Variants in TNC observed in about 807,000 individuals in gnomAD.
TNC encodes tenascin.
TNC carries 109 observed loss-of-function variants against 202.4 expected under a neutral mutation model. That is an observed-to-expected ratio of 0.54 (90% confidence interval 0.46 to 0.63). The LOEUF is 0.63. TNC is among the 30% of genes least tolerant of loss of function. The probability of loss-of-function intolerance (pLI) is 0.00; values close to 1 mark genes in which losing one functional copy is unlikely to be tolerated. For synonymous variants in TNC, 1,007 were observed against 1,089.7 expected, an observed-to-expected ratio of 0.92 and a Z score of 1.50; for missense variants, 2,756 against 2,833.3, an observed-to-expected ratio of 0.97 and a Z score of 0.62.
chr9:115,040,922 C>CACAT lies in TNC; in HGVS notation c.5392+18_5392+19insATGT. On this transcript the variant is annotated intron_variant, in intron 19 of 27. Transcript: ENST00000350763. Reference sequence around the variant, plus strand: ...AAAAATAGTAACACACACACACACACACAACCCCACCAACTCACCTGTGGT... The same window carrying CACAT: ...AAAAATAGTAACACACACACACACACACATACAACCCCACCAACTCACCTGTGGT... The CACAT allele has an allele frequency of 1.2e-6, 2 of 1,606,284 alleles. No homozygotes were observed. The highest frequency in any genetic ancestry group is 4.5e-5 in the East Asian group (2 of 44,766).
intron 17 of TNC, 120 bp downstream of exon 17, chr9:115,046,290 A>AGG: frequency 8.5e-7 from 1 of 1,169,740 alleles, no homozygotes; most frequent in Non-Finnish European, 1.2e-6. Context: ...TGTAATTGAA[A>AGG]GAGTCAGGAT....
Position 115,038,385 on chromosome 9 carries a change from A to G in TNC, c.5393-5T>C. 6.2e-7 allele frequency: 1 copy of G among 1,613,738 alleles called. No individual in the cohort carries two copies. The highest frequency in any genetic ancestry group is 8.5e-7 in the Non-Finnish European group (1 of 1,179,760). On this transcript the variant is annotated splice_region_variant and splice_polypyrimidine_tract_variant and intron_variant, in intron 19 of 27. Transcript: ENST00000350763. ...GGCCAGATGGGCCATCCAGAGCTGC[A>G]AAGAAAGATGGTGGACAGGAGGGAA... is the stretch of plus-strand genomic sequence containing the variant.
At chr9:115,094,567 T>C (rs1036552698) in intron 1 of TNC, among the ~76,000 whole-genome samples, 3 of 152,226 alleles carry the variant, frequency 2.0e-5, no homozygotes, top group African/African-American at 7.2e-5. Flanking sequence ...GTAGGACTTT[T>C]ATAATTTCAG....
chr9:115,057,076 A>G, intron 15 of TNC, 77 bp downstream of exon 15: 33 of 1,495,448 alleles, frequency 2.2e-5, no homozygotes, highest in East Asian at 1.4e-4. Flanking sequence ...CATCAATGGG[A>G]GAGGAGAAGG....
chr9:115,077,188 G>C (rs551934280), intron 7 of TNC, among the ~76,000 whole-genome samples: 8 of 152,338 alleles, frequency 5.3e-5, no homozygotes, highest in African/African-American at 1.9e-4. Flanking sequence ...GCCTGTAGCT[G>C]GGACTACAGG....
At chr9:115,117,140 G>C (rs540173858) in intron 1 of TNC, among the ~76,000 whole-genome samples, 4 of 152,296 alleles carry the variant, frequency 2.6e-5, no homozygotes, top group South Asian at 4.1e-4. Flanking sequence ...TATGTATGGT[G>C]GTGGGGAGAA....
At position 115,059,779 on chromosome 9, in the gene TNC, C is replaced by A; in HGVS notation, c.4257G>T (p.Gly1419=). ...AATPYRVSIY[G]VIRGYRTPVL... ...CTGGTGTTCTATAGCCCCGGATCAC[C>A]CCATAGATGGAGACTCTATAAGGCG... Residue 1419 remains glycine, a synonymous_variant, in exon 14 of 28, where the codon GGG becomes GGT. Coordinates refer to ENST00000350763, the MANE Select transcript of TNC (RefSeq NM_002160.4). 1.2e-6 allele frequency: 2 copies of A among 1,614,102 alleles called. No homozygotes were observed. The highest frequency in any genetic ancestry group is 2.2e-5 in the South Asian group (2 of 91,074).
At position 115,114,976 on chromosome 9, in the gene TNC, C is replaced by T. The variant is rs182214229; in HGVS notation, c.-137+3006G>A. ...TACCATCACAAAAGGACATATATTT[C>T]GAGCCAACTAAATGTTTGCAACCTA... On this transcript the variant is annotated intron_variant, in intron 1 of 27. Coordinates refer to ENST00000350763, the MANE Select transcript of TNC (RefSeq NM_002160.4). The T allele has an allele frequency of 3.3e-5, 5 of 152,218 alleles. No homozygotes were observed. The East Asian group carries it at 5.8e-4, about 18-fold the overall frequency. 9.4% of individuals were successfully genotyped at this position (152,218 alleles called of 1,614,324 possible).
rs147928443 is a variant in TNC, at chr9:115,057,631, G to A, written c.4307-206C>T. 1.1e-3 allele frequency among the ~76,000 whole-genome samples: 175 copies of A among 152,322 alleles called. 3 individuals carry two copies. Among genetic ancestry groups the A allele is most frequent in the African/African-American group, 4.1e-3 (170 of 41,566 alleles). ...GTTAAAAGAAATTAGAAAAAGGAAGGTATGGCAATTAGATTTCTCTACATG... is the reference window on the plus strand; with the variant it reads ...GTTAAAAGAAATTAGAAAAAGGAAGATATGGCAATTAGATTTCTCTACATG... On this transcript the variant is annotated intron_variant, in intron 14 of 27. Transcript: ENST00000350763.
chr9:115,054,247 CA>C (rs752620010), intron 15 of TNC, among the ~76,000 whole-genome samples: 1 of 152,138 alleles, frequency 6.6e-6, no homozygotes, highest in African/African-American at 2.4e-5. Context: ...CACAATTATA[CA>C]GCATAATTCG....
At chr9:115,028,504 G>A (rs1829683951) in intron 25 of TNC, among the ~76,000 whole-genome samples, 1 of 152,106 alleles carries the variant, frequency 6.6e-6, no homozygotes, top group Non-Finnish European at 1.5e-5. Flanking sequence ...TCTATGACTG[G>A]TCCAGAGAAT....
Position 115,073,909 on chromosome 9 carries a change from A to G in TNC, c.2951-43T>C, listed in dbSNP as rs2210108. 1,166,214 of 1,582,126 alleles carry G rather than the reference A, an allele frequency of 0.74. 432,573 individuals carry two copies. The highest frequency in any genetic ancestry group is 0.92 in the African/African-American group (68,641 of 74,686). ...AGATGAATGCTCTTCAGGCTGCAAG[A>G]CAGGGCTGCTTCTGGGGCTGAAAGT... On this transcript the variant is annotated intron_variant, in intron 9 of 27. Transcript: ENST00000350763.
At chr9:115,081,549 C>A (rs1258361944) in intron 6 of TNC, among the ~76,000 whole-genome samples, 1 of 152,164 alleles carries the variant, frequency 6.6e-6, no homozygotes. Context: ...CACACAGATA[C>A]ATGAGGAGTG....
At chr9:115,046,071 T>TTA (rs1554796021) in intron 17 of TNC, among the ~76,000 whole-genome samples, 5 of 117,984 alleles carry the variant, frequency 4.2e-5, no homozygotes, top group Admixed American at 2.4e-4. Flanking sequence ...CTTTGGAACG[T>TTA]AAAAAAAAAA....
rs1835144318 is a variant in TNC at position 115,090,614 on chromosome 9, G to T, written c.405C>A (p.Ser135=). 1 of 1,605,476 alleles carries T rather than the reference G, an allele frequency of 6.2e-7. No individual in the cohort carries two copies. Among genetic ancestry groups the T allele is most frequent in the South Asian group, 1.1e-5 (1 of 89,616 alleles). Residue 135 remains serine (S), a synonymous_variant, in exon 2 of 28, where the codon TCC becomes TCA. Coordinates refer to ENST00000350763, the MANE Select transcript of TNC (RefSeq NM_002160.4). ...RLEELENLVS[S]LREQCTAGAG... ...CTCCTGCAGTACATTGCTCCCTCAG[G>T]GAAGACACCAGGTTCTCCAGCTCCT...
intron 22 of TNC, among the ~76,000 whole-genome samples, chr9:115,032,638 A>T (rs1830034828): frequency 2.0e-5 from 3 of 152,204 alleles, no homozygotes; most frequent in Admixed American, 6.5e-5. Context: ...AAACTTCCCA[A>T]GTGATTTGAA....
intron 10 of TNC, among the ~76,000 whole-genome samples, chr9:115,070,384 A>C (rs7027148): frequency 0.78 from 119,338 of 152,104 alleles, 47,431 homozygotes; most frequent in African/African-American, 0.92. Context: ...GCAGGCTCAG[A>C]AAGCTTAAGG....
rs1198423205 is a variant in TNC, at chr9:115,042,305, A to T, written c.5162T>A (p.Ile1721Asn). The stretch of plus-strand genomic sequence containing the variant: ...GCTGACAGTAGCCGAATTTTCAGTG[A>T]TGTCTGAGAAAATGACTTCCTTTGG... ...GSPKEVIFSD[I>N]TENSATVSWR... Residue 1721 changes from isoleucine to asparagine, a missense_variant, in exon 18 of 28, where the codon ATC becomes AAC. This residue lies in a region of TNC where 2,559 missense variants were observed against 2,546.0 expected (regional missense o/e 1.01). Coordinates refer to ENST00000350763, the MANE Select transcript of TNC (RefSeq NM_002160.4). The T allele has an allele frequency of 6.2e-7, 1 of 1,614,102 alleles. No homozygotes were observed. The highest frequency in any genetic ancestry group is 1.3e-5 in the African/African-American group (1 of 75,046).
intron 13 of TNC, 22 bp from the exon 14 acceptor site, chr9:115,060,024 T>C: frequency 6.3e-7 from 1 of 1,592,978 alleles, no homozygotes; most frequent in South Asian, 1.1e-5. Context: ...CAGAAAAGTA[T>C]TTGTCAGTTC....
Sources: gnomAD v4.1 joint callset for allele counts (sites outside exome capture counted in the v4.1 genomes callset) on GRCh38, gnomAD v4.1.1 for gene constraint, gnomAD v4.1.1 regional missense constraint, MANE v1.5 for transcripts, NCBI Gene and HGNC (gene_info 2026-07-23, HGNC 2026-07-21) for gene names.